Variants in ZSWIM8 observed in about 807,000 individuals in gnomAD.
ZSWIM8 encodes the protein zinc finger SWIM-type containing 8.
Under a neutral mutation model 173.7 loss-of-function variants are expected in ZSWIM8, and 27 were observed. That is an observed-to-expected ratio of 0.16 (90% CI 0.11 to 0.21). The LOEUF (loss-of-function observed/expected upper bound fraction) is 0.21, where lower values mean the gene tolerates loss of function less well. Ranked by LOEUF, ZSWIM8 falls within the 10% of genes least tolerant of loss-of-function variation. The pLI, the probability that ZSWIM8 is intolerant of heterozygous loss-of-function variation, is 1.00. For synonymous variants in ZSWIM8, 958 were observed against 962.0 expected (o/e 1.00, Z 0.08); for missense variants, 1,627 against 2,428.8 (o/e 0.67, Z 6.94).
rs11538942 is a variant in ZSWIM8, at chr10:73,801,714, G to A, written c.*195G>A. 5 of 1,531,994 alleles carry A rather than the reference G, an allele frequency of 3.3e-6. No individual in the cohort carries two copies. The highest frequency in any genetic ancestry group is 1.7e-4 in the Middle Eastern group (1 of 5,990). 94.9% of individuals were successfully genotyped at this position (1,531,994 alleles called of 1,614,324 possible). A position where few individuals can be genotyped will look rare whatever the true frequency, so the allele number is the denominator to read the frequency against. On this transcript the variant is annotated 3_prime_UTR_variant, in exon 26 of 26. Coordinates refer to ENST00000604729, the MANE Select transcript of ZSWIM8 (RefSeq NM_001367799.1). This position sits in a 1 kb window ranked among gnomAD's most constrained non-coding sequence, Gnocchi z 4.9. ...TAGAAGCCTAGGGCTGGGGGAGACA[G>A]CCCTGTCTGGGAGGGGGCGTTGGGT... is the stretch of plus-strand genomic sequence containing the variant.
rs1299398618 is a variant in ZSWIM8 at position 73,796,859 on chromosome 10, C to T, written c.3119C>T (p.Thr1040Ile). 1.2e-6 allele frequency: 2 copies of T among 1,613,960 alleles called. No individual in the cohort carries two copies. Among genetic ancestry groups the T allele is most frequent in the African/African-American group, 1.3e-5 (1 of 74,950 alleles). Residue 1040 changes from threonine to isoleucine, a missense_variant, in exon 16 of 26, where the codon ACA becomes ATA. Around this residue, in one of 18 missense-constraint regions of ZSWIM8, gnomAD observed 163 missense variants for 193.2 expected, o/e 0.84. Transcript: ENST00000604729. ...SSFYSSSRPT[T>I]ASQRSPSKHG... ...TTCTACTCATCTAGCCGCCCAACCA[C>T]AGCCAGCCAGAGGTCTCCTTCAAAG...
chr10:73,800,459 T>C lies in ZSWIM8; in HGVS notation c.4989T>C (p.Ala1663=), dbSNP rs1248127716. 1 of 1,613,866 alleles carries C rather than the reference T, an allele frequency of 6.2e-7. No homozygotes were observed. The highest frequency in any genetic ancestry group is 8.5e-7 in the Non-Finnish European group (1 of 1,179,820). The change falls in exon 23 of 26, where the codon GCT becomes GCC. Residue 1663 remains alanine (A), a synonymous_variant. Coordinates refer to ENST00000604729, the MANE Select transcript of ZSWIM8 (RefSeq NM_001367799.1). The surrounding 1 kb of genome is among the most constrained non-coding windows in gnomAD (Gnocchi z 4.1). The part of the protein sequence containing the change: ...VNPHSLHHLH[A]AYRVGMLALE... Reference sequence around the variant, plus strand: ...CCCACAGCCTGCACCACCTGCATGCTGCCTACCGTGTCGGTGAGAGGACAT... The same window carrying C: ...CCCACAGCCTGCACCACCTGCATGCCGCCTACCGTGTCGGTGAGAGGACAT...
Position 73,801,716 on chromosome 10 carries a change from C to T in ZSWIM8, c.*197C>T, listed in dbSNP as rs565145194. On this transcript the variant is annotated 3_prime_UTR_variant, in exon 26 of 26. Coordinates refer to ENST00000604729, the MANE Select transcript of ZSWIM8 (RefSeq NM_001367799.1). The surrounding 1 kb of genome is among the most constrained non-coding windows in gnomAD (Gnocchi z 4.9). ...GAAGCCTAGGGCTGGGGGAGACAGC[C>T]CTGTCTGGGAGGGGGCGTTGGGTGG... 9.1e-6 allele frequency: 14 copies of T among 1,531,968 alleles called. No individual in the cohort carries two copies. Among genetic ancestry groups the T allele is most frequent in the African/African-American group, 1.4e-5 (1 of 73,014 alleles). The allele number at this position is 1,531,968 out of a possible 1,614,324, so 94.9% of individuals were successfully genotyped here. A position where few individuals can be genotyped will look rare whatever the true frequency, so the allele number is the denominator to read the frequency against.
In ZSWIM8 at chr10:73,801,735, T is replaced by C; in HGVS notation, c.*216T>C. On this transcript the variant is annotated 3_prime_UTR_variant, in exon 26 of 26. Coordinates refer to ENST00000604729, the MANE Select transcript of ZSWIM8 (RefSeq NM_001367799.1). This position sits in a 1 kb window ranked among gnomAD's most constrained non-coding sequence, Gnocchi z 4.9. Reference sequence around the variant, plus strand: ...GACAGCCCTGTCTGGGAGGGGGCGTTGGGTGGCCTCTGGTATTTATTTGGC... The same window carrying C: ...GACAGCCCTGTCTGGGAGGGGGCGTCGGGTGGCCTCTGGTATTTATTTGGC... 6.5e-7 allele frequency: 1 copy of C among 1,528,216 alleles called. No homozygotes were observed. Among genetic ancestry groups the C allele is most frequent in the Non-Finnish European group, 8.7e-7 (1 of 1,143,040 alleles). 94.7% of individuals were successfully genotyped at this position (1,528,216 alleles called of 1,614,324 possible).
chr10:73,787,564 G>A (rs2083270623), intron 1 of ZSWIM8, among the ~76,000 whole-genome samples: 1 of 152,090 alleles, frequency 6.6e-6, no homozygotes, highest in Non-Finnish European at 1.5e-5. Context: ...GTAAAATAAA[G>A]GGGTTGGCCA....
rs1441557017 is a variant in ZSWIM8, at chr10:73,795,982, AAAGG to A, written c.3033+320_3033+323del. ...TGTTTCAAAAAAAAAAAAAAAAAAA[AAAGG>A]CAAGGTACTGGGGCCTTTGACAGGC... is the stretch of plus-strand genomic sequence containing the variant. On this transcript the variant is annotated intron_variant, in intron 15 of 25. Coordinates refer to ENST00000604729, the MANE Select transcript of ZSWIM8 (RefSeq NM_001367799.1). Among the ~76,000 whole-genome samples, 290 of 150,748 alleles carry A rather than the reference AAAGG, an allele frequency of 1.9e-3. 1 individual carries two copies. Among genetic ancestry groups the A allele is most frequent in the Non-Finnish European group, 3.6e-3 (245 of 67,696 alleles).
Position 73,792,692 on chromosome 10 carries a change from C to T in ZSWIM8, c.2153C>T (p.Ala718Val), listed in dbSNP as rs751697372. 6.2e-7 allele frequency: 1 copy of T among 1,614,012 alleles called. No homozygotes were observed. Among genetic ancestry groups the T allele is most frequent in the East Asian group, 2.2e-5 (1 of 44,882 alleles). Residue 718 changes from alanine to valine, a missense_variant, in exon 10 of 26, where the codon GCA (alanine) becomes GTA (valine). By Grantham distance (64) the Ala-to-Val change is moderately conservative. Around this residue, in one of 18 missense-constraint regions of ZSWIM8, gnomAD observed 383 missense variants for 394.8 expected, o/e 0.97. Coordinates refer to ENST00000604729, the MANE Select transcript of ZSWIM8 (RefSeq NM_001367799.1). The surrounding 1 kb of genome is among the most constrained non-coding windows in gnomAD (Gnocchi z 4.3). ...SGNGLPKTKE[A>V]APAVGEEDDD... is the part of the protein sequence containing the mutation. ...AATGGGCTTCCCAAAACCAAAGAGG[C>T]AGCCCCTGCAGTTGGAGAGGAGGAT...
Position 73,796,767 on chromosome 10 carries a change from C to G in ZSWIM8, c.3034-7C>G. On this transcript the variant is annotated splice_polypyrimidine_tract_variant and splice_region_variant and intron_variant, in intron 15 of 25. Transcript: ENST00000604729. ...CTTCTCTGGAGGTCACTGCTTCTGT[C>G]TTCCAGATCTTAGACAAACTCTTGG... The G allele has an allele frequency of 6.2e-7, 1 of 1,612,240 alleles. No individual in the cohort carries two copies. The highest frequency in any genetic ancestry group is 8.5e-7 in the Non-Finnish European group (1 of 1,179,816).
rs1181864684 is a variant in ZSWIM8 at position 73,785,794 on chromosome 10, G to A, written c.-85G>A. ...CCCCCAGCCCCGGCTCGCCCCTCAGGCCCCGGGCCTCCCCTCAACCCCCGG... is the reference window on the plus strand; with the variant it reads ...CCCCCAGCCCCGGCTCGCCCCTCAGACCCCGGGCCTCCCCTCAACCCCCGG... On this transcript the variant is annotated 5_prime_UTR_variant, in exon 1 of 26. Transcript: ENST00000604729. 7.0e-7 allele frequency: 1 copy of A among 1,420,300 alleles called. No homozygotes were observed. Among genetic ancestry groups the A allele is most frequent in the African/African-American group, 1.5e-5 (1 of 66,334 alleles). 88.0% of individuals were successfully genotyped at this position (1,420,300 alleles called of 1,614,324 possible).
chr10:73,789,066 T>C lies in ZSWIM8; in HGVS notation c.363-30T>C, dbSNP rs1234288057. 3 of 1,605,312 alleles carry C rather than the reference T, an allele frequency of 1.9e-6. No homozygotes were observed. Among genetic ancestry groups the C allele is most frequent in the South Asian group, 1.1e-5 (1 of 90,884 alleles). ...GGTCTGCCAAAGGTTATTTGCTGAGTTGTGGCTGTGTCCTCTTCTTCACCC... is the reference window on the plus strand; with the variant it reads ...GGTCTGCCAAAGGTTATTTGCTGAGCTGTGGCTGTGTCCTCTTCTTCACCC... On this transcript the variant is annotated intron_variant, in intron 2 of 25. Coordinates refer to ENST00000604729, the MANE Select transcript of ZSWIM8 (RefSeq NM_001367799.1). This position sits in a 1 kb window ranked among gnomAD's most constrained non-coding sequence, Gnocchi z 6.8.
chr10:73,794,437 C>T, intron 13 of ZSWIM8, 104 bp from the exon 14 acceptor site: 2 of 1,553,888 alleles, frequency 1.3e-6, no homozygotes, highest in African/African-American at 1.4e-5. Context: ...ACCCATCAGG[C>T]AGCTTCATGG....
At chr10:73,788,882 G>T in intron 2 of ZSWIM8, 59 bp downstream of exon 2, 1 of 1,599,042 alleles carries the variant, frequency 6.3e-7, no homozygotes, top group South Asian at 1.1e-5. Flanking sequence ...CTGTCTGCTG[G>T]GTTTCCCATA....
At chr10:73,788,597 A>T in intron 1 of ZSWIM8, 73 bp from the exon 2 acceptor site, 2 of 1,557,396 alleles carry the variant, frequency 1.3e-6, no homozygotes, top group East Asian at 2.2e-5. Flanking sequence ...TTGTACTGGC[A>T]TGAGTGCCAA....
chr10:73,794,383 T>A, intron 13 of ZSWIM8, 53 bp downstream of exon 13: 1 of 1,590,142 alleles, frequency 6.3e-7, no homozygotes, highest in Non-Finnish European at 8.6e-7. Flanking sequence ...GGTAGCTTTC[T>A]CTAAGAAAGA....
intron 15 of ZSWIM8, 155 bp from the exon 16 acceptor site, chr10:73,796,619 T>C (rs1289946767): frequency 2.9e-6 from 3 of 1,017,314 alleles, no homozygotes; most frequent in African/African-American, 1.6e-5. Flanking sequence ...CAAAAAGACA[T>C]GTAAACCAGG....
chr10:73,792,446 C>T lies in ZSWIM8; in HGVS notation c.1907C>T (p.Thr636Ile). 1.2e-6 allele frequency: 2 copies of T among 1,606,724 alleles called. No homozygotes were observed. The highest frequency in any genetic ancestry group is 1.1e-5 in the South Asian group (1 of 90,048). ...CTGGCCCTGGGCGCAGAGGCCAGCA[C>T]CTTCGGGGGATTCCCTGAGAGCCCT... Reference protein sequence around the residue: ...SSLALGAEASTFGGFPESPPP... With the variant: ...SSLALGAEASIFGGFPESPPP... The change falls in exon 10 of 26, where the codon ACC becomes ATC. Residue 636 changes from threonine (T) to isoleucine (I), a missense_variant. Thr to Ile is a moderately conservative substitution (Grantham distance 89, BLOSUM62 -1). Coordinates refer to ENST00000604729, the MANE Select transcript of ZSWIM8 (RefSeq NM_001367799.1). The surrounding 1 kb of genome is among the most constrained non-coding windows in gnomAD (Gnocchi z 4.3).
chr10:73,795,962 CAAAAAAA>C (rs34801762), intron 15 of ZSWIM8, among the ~76,000 whole-genome samples: 6 of 58,810 alleles, frequency 1.0e-4, no homozygotes, highest in Admixed American at 2.2e-4. Context: ...GACCCTGTTT[CAAAAAAA>C]AAAAAAAAAA....
Position 73,792,684 on chromosome 10 carries a change from C to G in ZSWIM8, c.2145C>G (p.Thr715=), listed in dbSNP as rs765066839. Reference sequence around the variant, plus strand: ...AGAGTGGCAATGGGCTTCCCAAAACCAAAGAGGCAGCCCCTGCAGTTGGAG... The same window carrying G: ...AGAGTGGCAATGGGCTTCCCAAAACGAAAGAGGCAGCCCCTGCAGTTGGAG... ...TDESGNGLPK[T]KEAAPAVGEE... The change falls in exon 10 of 26, where the codon ACC becomes ACG. Residue 715 remains threonine (T), a synonymous_variant. Transcript: ENST00000604729. This position sits in a 1 kb window ranked among gnomAD's most constrained non-coding sequence, Gnocchi z 4.3. 1.2e-6 allele frequency: 2 copies of G among 1,613,878 alleles called. No individual in the cohort carries two copies. Among genetic ancestry groups the G allele is most frequent in the African/African-American group, 2.7e-5 (2 of 74,924 alleles).
At chr10:73,796,495 A>T in intron 15 of ZSWIM8, 1 of 489,806 alleles carries the variant, frequency 2.0e-6, no homozygotes, top group Non-Finnish European at 3.7e-6. Context: ...GAAGAAGAGA[A>T]GCAGAGGGCA....
Sources: allele counts gnomAD v4.1 joint callset (sites outside exome capture counted in the v4.1 genomes callset), GRCh38; gene constraint gnomAD v4.1.1; regional missense constraint gnomAD v4.1.1; non-coding constraint Gnocchi (gnomAD v3.1); transcripts MANE v1.5; gene names NCBI Gene and HGNC (gene_info 2026-07-23, HGNC 2026-07-21).